ERG: variants seen among roughly 807,000 people sequenced by gnomAD.
ERG encodes ETS transcription factor ERG, also known as transcriptional regulator ERG.
A neutral mutation model predicts 55.3 loss-of-function variants in ERG; 9 were observed. That is an observed-to-expected ratio of 0.16 (90% CI 0.10 to 0.28). The LOEUF (loss-of-function observed/expected upper bound fraction) is 0.28. Among genes scored for constraint, ERG ranks in the 10% least tolerant of loss-of-function variants. The probability of loss-of-function intolerance (pLI) is 1.00; values close to 1 mark genes in which losing one functional copy is unlikely to be tolerated. For missense variants in ERG, 434 were observed against 631.6 expected, an observed-to-expected ratio of 0.69 and a Z score of 3.35; for synonymous variants, 223 against 237.3, an observed-to-expected ratio of 0.94 and a Z score of 0.55.
intron 2 of ERG, among the ~76,000 whole-genome samples, chr21:38,571,099 G>T (rs16996516): frequency 1.3e-5 from 2 of 151,740 alleles, no homozygotes; most frequent in Admixed American, 1.3e-4. Flanking sequence ...TTTTTTTGTC[G>T]GCTGATGATA....
At chr21:38,527,675 G>A (rs1235569733) in intron 2 of ERG, among the ~76,000 whole-genome samples, 3 of 152,172 alleles carry the variant, frequency 2.0e-5, no homozygotes, top group Non-Finnish European at 4.4e-5. Context: ...AATTCTCCAG[G>A]AGAGCAGGAC....
At chr21:38,483,142 G>C (rs2059252768) in intron 1 of ERG, among the ~76,000 whole-genome samples, 1 of 152,162 alleles carries the variant, frequency 6.6e-6, no homozygotes, top group East Asian at 1.9e-4. Flanking sequence ...ATGGGGAAAT[G>C]GGGAGATGTA....
At chr21:38,500,599 G>GCT (rs548419527), upstream of ERG, among the ~76,000 whole-genome samples, 525 of 151,536 alleles carry the variant, frequency 3.5e-3, 4 homozygotes, top group African/African-American at 0.012. Flanking sequence ...TCTCACACAT[G>GCT]CTCTCTCTCT....
chr21:38,523,259 T>C (rs2059607471), intron 2 of ERG, among the ~76,000 whole-genome samples: 1 of 152,190 alleles, frequency 6.6e-6, no homozygotes, highest in Non-Finnish European at 1.5e-5. Context: ...AGCCCCTGCC[T>C]GAGCTTTCGA....
intron 1 of ERG, among the ~76,000 whole-genome samples, chr21:38,468,445 C>T (rs552288675): frequency 1.3e-5 from 2 of 152,310 alleles, no homozygotes; most frequent in Admixed American, 6.5e-5. Context: ...TTTCAAATTT[C>T]CCATAGTGCT....
At chr21:38,457,378 G>A (rs1453211086) in intron 1 of ERG, among the ~76,000 whole-genome samples, 1 of 151,514 alleles carries the variant, frequency 6.6e-6, no homozygotes, top group Admixed American at 6.6e-5. Flanking sequence ...AGAGGTTGCA[G>A]TGAGCCGAGA....
intron 2 of ERG, among the ~76,000 whole-genome samples, chr21:38,432,761 C>A (rs960236495): frequency 2.0e-5 from 3 of 152,146 alleles, no homozygotes; most frequent in African/African-American, 7.2e-5. Flanking sequence ...GATCACACAG[C>A]CAGTAGTGGA....
At chr21:38,368,043 G>A in the ERG span, among the ~76,000 whole-genome samples, 1 of 152,078 alleles carries the variant, frequency 6.6e-6, no homozygotes, top group African/African-American at 2.4e-5. Flanking sequence ...AAGTCAAAGG[G>A]ACATTGTATA....
At chr21:38,510,769 C>G (rs2059505829) in intron 2 of ERG, among the ~76,000 whole-genome samples, 1 of 151,834 alleles carries the variant, frequency 6.6e-6, no homozygotes, top group African/African-American at 2.4e-5. Flanking sequence ...CTTACAAATG[C>G]AAAAAAAGGA....
At chr21:38,463,011 G>A (rs1487951721) in intron 1 of ERG, among the ~76,000 whole-genome samples, 1 of 152,188 alleles carries the variant, frequency 6.6e-6, no homozygotes, top group African/African-American at 2.4e-5. Flanking sequence ...CTGAGGGACT[G>A]CAGAGCCCGG....
intron 1 of ERG, among the ~76,000 whole-genome samples, chr21:38,645,553 A>G (rs926564019): frequency 1.3e-5 from 2 of 152,230 alleles, no homozygotes; most frequent in African/African-American, 4.8e-5. Context: ...GCACTTGGTC[A>G]GTTCTGCGGC....
intron 1 of ERG, among the ~76,000 whole-genome samples, chr21:38,661,115 C>T (rs1415333080): frequency 7.0e-6 from 1 of 143,220 alleles, no homozygotes; most frequent in East Asian, 2.1e-4. Context: ...ACCCAGCACG[C>T]GACTACTGGA....
At chr21:38,467,356 C>A (rs2059100161) in intron 1 of ERG, among the ~76,000 whole-genome samples, 1 of 152,172 alleles carries the variant, frequency 6.6e-6, no homozygotes, top group African/African-American at 2.4e-5. Context: ...AGCTCCGGAT[C>A]TTTTATGCAT....
intron 4 of ERG, among the ~76,000 whole-genome samples, chr21:38,403,272 T>G (rs372666362): frequency 1.3e-5 from 2 of 152,268 alleles, no homozygotes; most frequent in East Asian, 3.9e-4. Context: ...CAGCTGAGTG[T>G]TGAAGTGAAT....
In ERG at chr21:38,392,381, G is replaced by A. The variant is rs1414795545; in HGVS notation, c.809C>T (p.Ser270Leu). Residue 270 changes from serine (S) to leucine (L), a missense_variant, in exon 7 of 10, where the codon TCG (serine) becomes TTG (leucine). Ser to Leu is a moderately radical substitution (Grantham distance 145). Transcript: ENST00000288319. Reference protein sequence around the residue: ...WTGHGHPTPQSKAAQPSPSTV... With the variant: ...WTGHGHPTPQLKAAQPSPSTV... The stretch of plus-strand genomic sequence containing the variant: ...CATGGGAGCCAACACTGTACCTTTC[G>A]ACTGGGGCGTGGGGTGGCCGTGACC... 8 of 1,565,550 alleles carry A rather than the reference G, an allele frequency of 5.1e-6. No homozygotes were observed. Among genetic ancestry groups the A allele is most frequent in the South Asian group, 3.5e-5 (3 of 85,184 alleles).
the ERG span, among the ~76,000 whole-genome samples, chr21:38,369,113 C>T: frequency 1.3e-5 from 2 of 152,124 alleles, no homozygotes; most frequent in Non-Finnish European, 2.9e-5. Flanking sequence ...ATGTTTTATA[C>T]TCCTTTGTGT....
chr21:38,622,500 CCACACACACCA>C (rs896511161), intron 1 of ERG, among the ~76,000 whole-genome samples: 26 of 150,316 alleles, frequency 1.7e-4, no homozygotes, highest in Admixed American at 4.7e-4. Flanking sequence ...CTCATACATA[CCACACACACCA>C]CACACACACC....
chr21:38,597,016 C>A (rs2060135378), intron 1 of ERG, among the ~76,000 whole-genome samples: 1 of 152,198 alleles, frequency 6.6e-6, no homozygotes, highest in African/African-American at 2.4e-5. Flanking sequence ...CCAGGGCTTC[C>A]TTTTATCCAG....
intron 1 of ERG, among the ~76,000 whole-genome samples, chr21:38,582,224 G>C (rs2060034370): frequency 6.6e-6 from 1 of 152,148 alleles, no homozygotes; most frequent in Non-Finnish European, 1.5e-5. Context: ...GGGGTTGTGG[G>C]AACCCCCAAT....
Sources: gnomAD v4.1 joint callset for allele counts (sites outside exome capture counted in the v4.1 genomes callset) on GRCh38, gnomAD v4.1.1 for gene constraint, MANE v1.5 for transcripts, NCBI Gene and HGNC (gene_info 2026-07-23, HGNC 2026-07-21) for gene names.